TRIM5: variants seen among roughly 807,000 people sequenced by gnomAD.
TRIM5 encodes the protein tripartite motif-containing protein 5.
A neutral mutation model predicts 35.6 loss-of-function variants in TRIM5; 31 were observed. That is an observed-to-expected ratio of 0.87 (90% CI 0.65 to 1.18). The LOEUF (loss-of-function observed/expected upper bound fraction) is 1.18. Among genes scored for constraint, TRIM5 ranks in the 50% most tolerant of loss-of-function variants. The pLI, the probability that TRIM5 is intolerant of heterozygous loss-of-function variation, is 0.00. For synonymous variants in TRIM5, 243 were observed against 215.6 expected, an observed-to-expected ratio of 1.13 and a Z score of -1.11; for missense variants, 609 against 591.6, an observed-to-expected ratio of 1.03 and a Z score of -0.31.
At chr11:5,613,103 C>T in the TRIM5 span, 6 of 152,192 alleles carry the variant, frequency 3.9e-5, no homozygotes. Context: ...CCTATGGACT[C>T]AGGATACAGA....
intron 4 of TRIM5, among the ~76,000 whole-genome samples, chr11:5,670,183 T>TC (rs1851467569): frequency 7.7e-6 from 1 of 129,774 alleles, no homozygotes. Context: ...TTTTTTTTTT[T>TC]TTTTTTTTTT....
the TRIM5 span, among the ~76,000 whole-genome samples, chr11:5,653,991 T>C: frequency 6.6e-6 from 1 of 152,144 alleles, no homozygotes; most frequent in African/African-American, 2.4e-5. Flanking sequence ...TCTTCACTTC[T>C]AACATTTCTG....
chr11:5,678,933 C>T (rs1397738876), intron 3 of TRIM5, 141 bp downstream of exon 3: 2 of 701,060 alleles, frequency 2.9e-6, no homozygotes, highest in Admixed American at 2.5e-5. Context: ...AGCCACCACA[C>T]CCCATCAGGG....
chr11:5,664,842 TC>T lies in TRIM5; in HGVS notation c.1448del (p.Gly483GlufsTer4). ...TTGGTGAGCACAGAGTCATGGGGAC[TC>T]CACATTTTCTAGGATTTAAATATGG... ...VFPYLNPRKC[G>X]VPMTLCSPSS On this transcript the variant is annotated frameshift_variant, in exon 8 of 8. Coordinates refer to ENST00000380034, the MANE Select transcript of TRIM5 (RefSeq NM_033034.3). LOFTEE classifies it low-confidence loss of function (END_TRUNC). 2 of 1,608,964 alleles carry T rather than the reference TC, an allele frequency of 1.2e-6. No homozygotes were observed. Among genetic ancestry groups the T allele is most frequent in the South Asian group, 2.2e-5 (2 of 90,036 alleles).
chr11:5,678,037 C>G, intron 4 of TRIM5, 167 bp downstream of exon 4: 1 of 591,960 alleles, frequency 1.7e-6, no homozygotes, highest in Non-Finnish European at 2.8e-6. Flanking sequence ...ATGGGATTAT[C>G]TCTTGCTACT....
chr11:5,678,273 G>T lies in TRIM5; in HGVS notation c.675C>A (p.Thr225=). ...CTGAGATGAGCTCTCTCAGGGACTG[G>T]GTCTGCTGCACCATCTCAGTTTCAG... ...TNSETEMVQQ[T]QSLRELISDL... The change falls in exon 4 of 8, where the codon ACC becomes ACA. Residue 225 remains threonine (T), a synonymous_variant. Transcript: ENST00000380034. The T allele has an allele frequency of 1.9e-6, 3 of 1,614,016 alleles. No individual in the cohort carries two copies. The highest frequency in any genetic ancestry group is 2.5e-6 in the Non-Finnish European group (3 of 1,179,932).
At chr11:5,684,272 T>G (rs1045962867) in intron 1 of TRIM5, 1 of 152,452 alleles carries the variant, frequency 6.6e-6, no homozygotes, top group Non-Finnish European at 1.5e-5. Flanking sequence ...ACTCAGTTCT[T>G]TTAAAGCCAA....
the TRIM5 span, chr11:5,632,137 C>A: frequency 2.8e-6 from 4 of 1,433,338 alleles, no homozygotes; most frequent in South Asian, 4.5e-5. Context: ...TTTTTGGTTT[C>A]TCTTCCTCAT....
chr11:5,608,840 C>A, the TRIM5 span, among the ~76,000 whole-genome samples: 2 of 126,070 alleles, frequency 1.6e-5, no homozygotes, highest in African/African-American at 6.4e-5. Context: ...ATTTTCTTTG[C>A]CCATAAATTT....
chr11:5,610,426 A>C, the TRIM5 span: 5,360 of 1,598,998 alleles, frequency 3.4e-3, 13 homozygotes, highest in Middle Eastern at 8.8e-3. Context: ...TGGCCAGGTG[A>C]CATCCTCACA....
In TRIM5 at chr11:5,664,984, T is replaced by C. The variant is rs1224080666; in HGVS notation, c.1307A>G (p.Asp436Gly). Residue 436 changes from aspartate (D) to glycine (G), a missense_variant, in exon 8 of 8, where the codon GAT becomes GGT. Asp to Gly is a moderately conservative substitution (Grantham distance 94). Transcript: ENST00000380034. ...ATAGTCTAGGAAAACTCCAACACGA[T>C]CAGGACAAATAATCACAGAGAGGGG... is the stretch of plus-strand genomic sequence containing the variant. The part of the protein sequence containing the change: ...IVPLSVIICP[D>G]RVGVFLDYEA... 4 of 1,613,920 alleles carry C rather than the reference T, an allele frequency of 2.5e-6. No homozygotes were observed. The highest frequency in any genetic ancestry group is 3.4e-6 in the Non-Finnish European group (4 of 1,180,008).
the TRIM5 span, among the ~76,000 whole-genome samples, chr11:5,650,933 T>C: frequency 4.6e-5 from 7 of 152,326 alleles, no homozygotes; most frequent in Admixed American, 2.6e-4. Context: ...TCAAGCACCA[T>C]TGTATTGGCT....
downstream of TRIM5, chr11:5,663,179 G>A (rs931575896): frequency 1.5e-5 from 13 of 888,028 alleles, no homozygotes; most frequent in African/African-American, 2.4e-4. Context: ...ACACCATAAT[G>A]GATTACCCCT....
chr11:5,614,649 G>A, the TRIM5 span, among the ~76,000 whole-genome samples: 1 of 152,110 alleles, frequency 6.6e-6, no homozygotes, highest in Non-Finnish European at 1.5e-5. Flanking sequence ...CCTAAAGTTT[G>A]TAAAAGAGAA....
At chr11:5,643,441 T>C in the TRIM5 span, 5 of 1,614,096 alleles carry the variant, frequency 3.1e-6, no homozygotes, top group African/African-American at 5.3e-5. Flanking sequence ...TACTGGGTTA[T>C]AGGGTTACAG....
chr11:5,609,662 C>T, the TRIM5 span, among the ~76,000 whole-genome samples: 2 of 152,130 alleles, frequency 1.3e-5, no homozygotes, highest in Non-Finnish European at 2.9e-5. Flanking sequence ...GTGACTCACA[C>T]CTGTAATCCC....
chr11:5,595,938 C>A, the TRIM5 span, among the ~76,000 whole-genome samples: 1 of 152,150 alleles, frequency 6.6e-6, no homozygotes, highest in Non-Finnish European at 1.5e-5. Flanking sequence ...GCCTCGGCCT[C>A]CCAAAGTGCT....
At chr11:5,592,927 AAAAGAAAAAAG>A in the TRIM5 span, among the ~76,000 whole-genome samples, 260 of 132,998 alleles carry the variant, frequency 2.0e-3, 3 homozygotes, top group Middle Eastern at 7.1e-3. Context: ...AAAAAAAAAA[AAAAGAAAAAAG>A]AAAAAGAAAA....
At chr11:5,676,683 C>T (rs1252140468) in intron 4 of TRIM5, among the ~76,000 whole-genome samples, 3 of 149,634 alleles carry the variant, frequency 2.0e-5, no homozygotes, top group South Asian at 2.1e-4. Flanking sequence ...GGAGGCATCA[C>T]ACTACCTGAC....
Sources: gnomAD v4.1 joint callset for allele counts (sites outside exome capture counted in the v4.1 genomes callset) on GRCh38, gnomAD v4.1.1 for gene constraint, MANE v1.5 for transcripts, NCBI Gene and HGNC (gene_info 2026-07-23, HGNC 2026-07-21) for gene names.